The following RALYL variants were observed in gnomAD, a reference collection of about 807,000 sequenced individuals.
RALYL encodes RNA-binding Raly-like protein.
In RALYL, 29 loss-of-function variants were observed where a neutral mutation model predicts 35.1. The ratio of observed to expected loss-of-function variants is 0.83; its 90% confidence interval spans 0.61 to 1.13. The LOEUF (loss-of-function observed/expected upper bound fraction) is 1.13, where lower values mean the gene tolerates loss of function less well. Ranked by LOEUF, RALYL falls within the 50% of genes most tolerant of loss-of-function variation. RALYL has a pLI of 0.00. For synonymous variants in RALYL, 120 were observed against 127.6 expected (o/e 0.94, Z 0.40); for missense variants, 359 against 360.4 (o/e 1.00, Z 0.03).
intron 1 of RALYL, among the ~76,000 whole-genome samples, chr8:84,420,241 A>G (rs2045342929): frequency 6.6e-6 from 1 of 152,022 alleles, no homozygotes; most frequent in African/African-American, 2.4e-5. Flanking sequence ...TGCCATTCTA[A>G]CTGGTGTGAG....
At chr8:84,344,284 T>C (rs931303950) in intron 1 of RALYL, among the ~76,000 whole-genome samples, 15 of 152,124 alleles carry the variant, frequency 9.9e-5, no homozygotes, top group Admixed American at 6.6e-4. Flanking sequence ...AAATAGAAAA[T>C]TTTATTATTA....
chr8:84,371,539 T>TCTCACACACACACACACA (rs1475375050), intron 1 of RALYL, among the ~76,000 whole-genome samples: 2 of 144,072 alleles, frequency 1.4e-5, no homozygotes, highest in Admixed American at 1.4e-4. Context: ...TTTATGATTA[T>TCTCACACACACACACACA]CACACACACA....
chr8:84,371,162 CACTCAGTATTT>C (rs1323312599), intron 1 of RALYL, among the ~76,000 whole-genome samples: 2 of 151,974 alleles, frequency 1.3e-5, no homozygotes, highest in African/African-American at 2.4e-5. Context: ...CATCCACATT[CACTCAGTATTT>C]ACTCTGTCAA....
rs539496855 is a variant in RALYL at position 84,703,910 on chromosome 8, AC to A, written c.257-70667del. Among the ~76,000 whole-genome samples, 442 of 152,294 alleles carry A rather than the reference AC, an allele frequency of 2.9e-3. 1 individual carries two copies. The highest frequency in any genetic ancestry group is 4.5e-3 in the Non-Finnish European group (306 of 68,016). Reference sequence around the variant, plus strand: ...TTAAAATACATCATTAGATCTTCATACCTGTGAATATGTACAATTTCATCAA... The same window carrying A: ...TTAAAATACATCATTAGATCTTCATACTGTGAATATGTACAATTTCATCAA... On this transcript the variant is annotated intron_variant, in intron 2 of 8. Coordinates refer to ENST00000521268, the MANE Select transcript of RALYL (RefSeq NM_173848.7).
chr8:84,345,064 T>C (rs748853373), intron 1 of RALYL, among the ~76,000 whole-genome samples: 1 of 151,926 alleles, frequency 6.6e-6, no homozygotes, highest in Non-Finnish European at 1.5e-5. Flanking sequence ...TGCTGGATCA[T>C]ATGATAATTC....
At chr8:84,186,334 A>T (rs1274520101) in intron 1 of RALYL, among the ~76,000 whole-genome samples, 1 of 152,234 alleles carries the variant, frequency 6.6e-6, no homozygotes, top group Non-Finnish European at 1.5e-5. Context: ...ACATTAAAAA[A>T]GCCACTTGCA....
At chr8:84,316,784 A>G (rs1441135027) in intron 1 of RALYL, among the ~76,000 whole-genome samples, 1 of 152,192 alleles carries the variant, frequency 6.6e-6, no homozygotes, top group East Asian at 1.9e-4. Flanking sequence ...AGAAATAGAC[A>G]CATATGGGAG....
chr8:84,698,511 A>G (rs781437228), intron 2 of RALYL, among the ~76,000 whole-genome samples: 8 of 152,068 alleles, frequency 5.3e-5, no homozygotes, highest in Non-Finnish European at 1.2e-4. Flanking sequence ...TTTTTTTAGC[A>G]TCATGTATTT....
intron 1 of RALYL, among the ~76,000 whole-genome samples, chr8:84,388,819 T>C (rs1254029107): frequency 6.6e-6 from 1 of 152,128 alleles, no homozygotes; most frequent in Non-Finnish European, 1.5e-5. Context: ...GGTAGTTTCT[T>C]TTGCTGTGCA....
Position 84,746,019 on chromosome 8 carries a change from C to A in RALYL, c.257-28560C>A, listed in dbSNP as rs1450971617. Among the ~76,000 whole-genome samples, 4 of 152,076 alleles carry A rather than the reference C, an allele frequency of 2.6e-5. No homozygotes were observed. In the East Asian group the frequency reaches 7.7e-4, roughly 29 times the overall value. On this transcript the variant is annotated intron_variant, in intron 2 of 8. Coordinates refer to ENST00000521268, the MANE Select transcript of RALYL (RefSeq NM_173848.7). ...CTAGGATAAAGAATTGGAGGAAATT[C>A]TTTCATCTCTCAACAAAGCCTGGCT...
At chr8:84,682,328 T>A (rs1835733071) in intron 2 of RALYL, among the ~76,000 whole-genome samples, 1 of 152,180 alleles carries the variant, frequency 6.6e-6, no homozygotes, top group Non-Finnish European at 1.5e-5. Context: ...CTGCCAGGCT[T>A]TGGTATCAGG....
chr8:84,248,198 C>T (rs1328106347), intron 1 of RALYL, among the ~76,000 whole-genome samples: 3 of 152,162 alleles, frequency 2.0e-5, no homozygotes, highest in Non-Finnish European at 4.4e-5. Context: ...TAGTTGGCTA[C>T]ATCAGGCCAT....
At chr8:84,596,407 G>T (rs1814548506) in intron 2 of RALYL, among the ~76,000 whole-genome samples, 1 of 152,070 alleles carries the variant, frequency 6.6e-6, no homozygotes, top group East Asian at 1.9e-4. Flanking sequence ...CTGACACCTG[G>T]TTTTAAATTC....
intron 1 of RALYL, among the ~76,000 whole-genome samples, chr8:84,519,880 G>C (rs955590496): frequency 2.0e-5 from 3 of 152,156 alleles, no homozygotes; most frequent in African/African-American, 7.2e-5. Flanking sequence ...TTGCTGACCA[G>C]TCACCAAACA....
intron 1 of RALYL, among the ~76,000 whole-genome samples, chr8:84,210,276 A>T (rs555748944): frequency 5.0e-4 from 76 of 152,170 alleles, no homozygotes; most frequent in Admixed American, 8.5e-4. Flanking sequence ...ATTTAAATTA[A>T]TTTTACCGAG....
intron 8 of RALYL, among the ~76,000 whole-genome samples, chr8:84,904,536 T>C (rs912876584): frequency 6.6e-6 from 1 of 152,180 alleles, no homozygotes; most frequent in Non-Finnish European, 1.5e-5. Flanking sequence ...GAACACATGC[T>C]TATGAGTATG....
intron 1 of RALYL, among the ~76,000 whole-genome samples, chr8:84,351,888 ATGAAT>A (rs1439212417): frequency 2.0e-5 from 3 of 150,392 alleles, no homozygotes. Context: ...TAAGAAGCAA[ATGAAT>A]TAAGTTCATG....
intron 2 of RALYL, among the ~76,000 whole-genome samples, chr8:84,730,821 T>C (rs1273920448): frequency 6.6e-5 from 10 of 152,014 alleles, no homozygotes; most frequent in Admixed American, 6.6e-4. Context: ...CCGTTCATCA[T>C]GGTAGAGGAA....
At chr8:84,238,491 G>A (rs1180182907) in intron 1 of RALYL, among the ~76,000 whole-genome samples, 1 of 152,038 alleles carries the variant, frequency 6.6e-6, no homozygotes, top group Non-Finnish European at 1.5e-5. Flanking sequence ...AACATTTGCT[G>A]CCTGAACTGT....
Sources: allele counts gnomAD v4.1 joint callset (sites outside exome capture counted in the v4.1 genomes callset), GRCh38; gene constraint gnomAD v4.1.1; transcripts MANE v1.5; gene names NCBI Gene and HGNC (gene_info 2026-07-23, HGNC 2026-07-21).